Variants in NRXN3 observed in about 807,000 individuals in gnomAD.
NRXN3 encodes the protein neurexin III.
NRXN3 carries 32 observed loss-of-function variants against 137.6 expected under a neutral mutation model. That is an observed-to-expected ratio of 0.23 (90% CI 0.18 to 0.31). The LOEUF (loss-of-function observed/expected upper bound fraction) is 0.31. Among genes scored for constraint, NRXN3 ranks in the 10% least tolerant of loss-of-function variants. NRXN3 has a pLI of 1.00. For missense variants in NRXN3, 1,574 were observed against 2,062.5 expected, an observed-to-expected ratio of 0.76 and a Z score of 4.59; for synonymous variants, 798 against 784.5, an observed-to-expected ratio of 1.02 and a Z score of -0.29.
chr14:79,660,593 A>G (rs191982126), intron 16 of NRXN3, among the ~76,000 whole-genome samples: 1 of 152,186 alleles, frequency 6.6e-6, no homozygotes, highest in Non-Finnish European at 1.5e-5. Context: ...CTGCCCAAGA[A>G]TATATCTTGC....
At chr14:78,621,671 C>A (rs2097405820) in intron 4 of NRXN3, among the ~76,000 whole-genome samples, 1 of 152,084 alleles carries the variant, frequency 6.6e-6, no homozygotes. Context: ...TAATTTTTTC[C>A]CATTAAATTG....
intron 14 of NRXN3, among the ~76,000 whole-genome samples, chr14:78,975,888 G>A (rs2099463825): frequency 6.6e-6 from 1 of 152,142 alleles, no homozygotes; most frequent in Non-Finnish European, 1.5e-5. Context: ...CTGGTTTCAG[G>A]CCAGAATCTA....
chr14:78,391,433 T>A (rs527848640), intron 4 of NRXN3, among the ~76,000 whole-genome samples: 127 of 152,306 alleles, frequency 8.3e-4, no homozygotes, highest in African/African-American at 2.6e-3. Flanking sequence ...ACAGACTTTT[T>A]AAAAATTGGA....
chr14:78,926,828 AATT>A lies in NRXN3; in HGVS notation c.2276-30413_2276-30411del, dbSNP rs1156952489. Among the ~76,000 whole-genome samples the A allele has an allele frequency of 6.4e-4, 22 of 34,204 alleles. 3 individuals carry two copies. The highest frequency in any genetic ancestry group is 1.1e-3 in the African/African-American group (6 of 5,444). 22.4% of individuals were successfully genotyped at this position (34,204 alleles called of 152,430 possible). A position where few individuals can be genotyped will look rare whatever the true frequency, so the allele number is the denominator to read the frequency against. The stretch of plus-strand genomic sequence containing the variant: ...TTTATATATATTATATATTATATAT[AATT>A]TATATAAATATATAATATATTATAT... On this transcript the variant is annotated intron_variant, in intron 10 of 20. Coordinates refer to ENST00000335750, the MANE Select transcript of NRXN3 (RefSeq NM_001330195.2).
chr14:79,735,848 T>C (rs996792528), intron 19 of NRXN3, among the ~76,000 whole-genome samples: 4 of 152,228 alleles, frequency 2.6e-5, no homozygotes, highest in African/African-American at 9.6e-5. Flanking sequence ...CCTGCCCCAG[T>C]TCAAGCTTCC....
At chr14:78,985,377 G>T (rs1449784510) in intron 14 of NRXN3, among the ~76,000 whole-genome samples, 1 of 152,256 alleles carries the variant, frequency 6.6e-6, no homozygotes, top group Non-Finnish European at 1.5e-5. Flanking sequence ...ATTATATGAG[G>T]AGAAGACAGT....
chr14:79,455,249 C>A (rs1215845769), intron 15 of NRXN3, among the ~76,000 whole-genome samples: 1 of 152,100 alleles, frequency 6.6e-6, no homozygotes, highest in African/African-American at 2.4e-5. Context: ...CATGGTGAAA[C>A]CTTACATGGT....
At chr14:79,489,023 T>G (rs543198862) in intron 16 of NRXN3, among the ~76,000 whole-genome samples, 8 of 152,304 alleles carry the variant, frequency 5.3e-5, no homozygotes, top group African/African-American at 1.9e-4. Flanking sequence ...AGGCATGTTA[T>G]GAAAATTAAA....
At chr14:78,871,837 C>T (rs948799236) in intron 10 of NRXN3, among the ~76,000 whole-genome samples, 1 of 152,034 alleles carries the variant, frequency 6.6e-6, no homozygotes, top group African/African-American at 2.4e-5. Context: ...TCCCATTTAC[C>T]TGTTGTCCTT....
At chr14:79,266,346 C>T (rs2078461610) in intron 15 of NRXN3, among the ~76,000 whole-genome samples, 1 of 151,824 alleles carries the variant, frequency 6.6e-6, no homozygotes. Flanking sequence ...TTTTCTCCAG[C>T]TATAAAGGTT....
intron 4 of NRXN3, among the ~76,000 whole-genome samples, chr14:78,563,046 T>G (rs1219015894): frequency 6.6e-6 from 1 of 152,190 alleles, no homozygotes; most frequent in Non-Finnish European, 1.5e-5. Flanking sequence ...AGCTGGCAGT[T>G]GATGAGATAA....
At chr14:79,716,781 T>C (rs1438580248) in intron 19 of NRXN3, among the ~76,000 whole-genome samples, 1 of 152,168 alleles carries the variant, frequency 6.6e-6, no homozygotes, top group Non-Finnish European at 1.5e-5. Flanking sequence ...AGCTGAGGCT[T>C]GGGTGATTAC....
rs187957093 is a variant in NRXN3, at chr14:78,201,803, T to C, written c.-704+31129T>C. Among the ~76,000 whole-genome samples the C allele has an allele frequency of 2.9e-3, 449 of 152,210 alleles. 5 individuals are homozygous for C. The highest frequency in any genetic ancestry group is 0.01 in the African/African-American group (425 of 41,530). ...ACAGAGCAGTGGGCAGAGACAGAGC[T>C]GTGGTGATGCTGTCAGCCGCTCCGA... On this transcript the variant is annotated intron_variant, in intron 1 of 20. Transcript: ENST00000335750.
At chr14:78,943,385 G>A (rs1307624748) in intron 10 of NRXN3, among the ~76,000 whole-genome samples, 1 of 151,504 alleles carries the variant, frequency 6.6e-6, no homozygotes, top group East Asian at 2.0e-4. Flanking sequence ...GGGAGGGCTT[G>A]GAGGGCAGAG....
At chr14:78,484,023 CACACAGAG>C (rs1384173006) in intron 4 of NRXN3, among the ~76,000 whole-genome samples, 33 of 104,270 alleles carry the variant, frequency 3.2e-4, no homozygotes, top group African/African-American at 1.2e-3. Flanking sequence ...CACACACACA[CACACAGAG>C]AGAGAGAGAG....
At chr14:79,251,537 T>C (rs1461308433) in intron 15 of NRXN3, among the ~76,000 whole-genome samples, 2 of 152,146 alleles carry the variant, frequency 1.3e-5, no homozygotes, top group Non-Finnish European at 2.9e-5. Context: ...TTGGATCATC[T>C]GTAGAAAGAG....
chr14:79,444,969 C>T (rs2096034790), intron 15 of NRXN3, among the ~76,000 whole-genome samples: 1 of 152,200 alleles, frequency 6.6e-6, no homozygotes, highest in Non-Finnish European at 1.5e-5. Flanking sequence ...GACTATATGG[C>T]AGTTATCACA....
chr14:79,450,836 A>C (rs531907257), intron 15 of NRXN3, among the ~76,000 whole-genome samples: 1 of 152,172 alleles, frequency 6.6e-6, no homozygotes, highest in South Asian at 2.1e-4. Context: ...ACTGCACTCC[A>C]GCCTGGGCAA....
chr14:78,986,136 T>G (rs1387728672), intron 14 of NRXN3, among the ~76,000 whole-genome samples: 2 of 152,200 alleles, frequency 1.3e-5, no homozygotes, highest in African/African-American at 4.8e-5. Context: ...GACCCTGTGT[T>G]CTTTCATTTC....
Sources: gnomAD v4.1 joint callset for allele counts (sites outside exome capture counted in the v4.1 genomes callset) on GRCh38, gnomAD v4.1.1 for gene constraint, MANE v1.5 for transcripts, NCBI Gene and HGNC (gene_info 2026-07-23, HGNC 2026-07-21) for gene names.